Variants in SEMA3A observed in about 807,000 individuals in gnomAD.
SEMA3A encodes semaphorin 3A.
In SEMA3A, 29 loss-of-function variants were observed where a neutral mutation model predicts 97.9. That is an observed-to-expected ratio of 0.30 (90% CI 0.22 to 0.40). SEMA3A has a LOEUF of 0.40. SEMA3A is among the 10% of genes least tolerant of loss of function. SEMA3A has a pLI of 1.00. For missense variants in SEMA3A, 763 were observed against 951.3 expected (o/e 0.80, Z 2.60); for synonymous variants, 321 against 323.7 (o/e 0.99, Z 0.09).
intron 1 of SEMA3A, among the ~76,000 whole-genome samples, chr7:84,160,030 TATGATTG>T (rs1388987817): frequency 2.0e-5 from 3 of 152,148 alleles, no homozygotes; most frequent in Non-Finnish European, 4.4e-5. Context: ...ATCCTCAAAA[TATGATTG>T]ATTTTAAGCC....
chr7:84,055,033 G>T (rs1260506131), intron 5 of SEMA3A, among the ~76,000 whole-genome samples: 1 of 152,052 alleles, frequency 6.6e-6, no homozygotes, highest in African/African-American at 2.4e-5. Flanking sequence ...AGGGGTCAGG[G>T]ACCCACTTGA....
At chr7:84,055,769 C>T (rs1263830180) in intron 5 of SEMA3A, among the ~76,000 whole-genome samples, 1 of 152,034 alleles carries the variant, frequency 6.6e-6, no homozygotes, top group African/African-American at 2.4e-5. Context: ...GTTAATTTGA[C>T]AATTTTCAGA....
At chr7:84,256,085 T>A (rs1799714832) in intron 3 of SEMA3A, among the ~76,000 whole-genome samples, 2 of 152,076 alleles carry the variant, frequency 1.3e-5, no homozygotes, top group African/African-American at 4.8e-5. Flanking sequence ...TATGTTTGAT[T>A]GTGTGCATTT....
At chr7:84,112,465 T>C (rs992020176) in intron 3 of SEMA3A, among the ~76,000 whole-genome samples, 29 of 152,142 alleles carry the variant, frequency 1.9e-4, no homozygotes, top group African/African-American at 6.3e-4. Context: ...TTCAGTCCTG[T>C]CAGTATCACC....
chr7:84,224,311 A>T (rs1798942034), intron 3 of SEMA3A, among the ~76,000 whole-genome samples: 1 of 152,000 alleles, frequency 6.6e-6, no homozygotes, highest in Admixed American at 6.6e-5. Flanking sequence ...GCCTACAATT[A>T]AAGTTTTTTA....
At position 84,080,227 on chromosome 7, in the gene SEMA3A, A is replaced by C. The variant is rs1402338556; in HGVS notation, c.454-19669T>G. Among the ~76,000 whole-genome samples, 3 of 143,564 alleles carry C rather than the reference A, an allele frequency of 2.1e-5. No homozygotes were observed. The East Asian group carries it at 6.6e-4, about 32-fold the overall frequency. 94.2% of individuals were successfully genotyped at this position (143,564 alleles called of 152,430 possible). ...TGGGGTGGGGGGAGGGGGTAGGGATAGCATTAGGAGATATCCCTAATGCTG... is the reference window on the plus strand; with the variant it reads ...TGGGGTGGGGGGAGGGGGTAGGGATCGCATTAGGAGATATCCCTAATGCTG... On this transcript the variant is annotated intron_variant, in intron 4 of 16. Transcript: ENST00000265362.
At chr7:84,484,373 C>T (rs1806521548) in intron 1 of SEMA3A, among the ~76,000 whole-genome samples, 1 of 151,716 alleles carries the variant, frequency 6.6e-6, no homozygotes, top group Non-Finnish European at 1.5e-5. Context: ...CTTGTTGGTG[C>T]ATATAAAAAT....
At chr7:84,444,280 T>G (rs1805349719) in intron 1 of SEMA3A, among the ~76,000 whole-genome samples, 1 of 152,174 alleles carries the variant, frequency 6.6e-6, no homozygotes, top group Non-Finnish European at 1.5e-5. Flanking sequence ...TAATCCCACT[T>G]GTTCAAATTT....
chr7:84,062,529 T>G (rs955012535), intron 4 of SEMA3A, among the ~76,000 whole-genome samples: 2 of 151,984 alleles, frequency 1.3e-5, no homozygotes, highest in Admixed American at 6.5e-5. Context: ...CACTACGGAG[T>G]GCGAGACAGT....
intron 4 of SEMA3A, among the ~76,000 whole-genome samples, chr7:84,095,034 TACAC>T (rs201130876): frequency 5.4e-5 from 8 of 148,462 alleles, no homozygotes; most frequent in African/African-American, 1.5e-4. Flanking sequence ...CATACACACT[TACAC>T]ACACACACAC....
rs1260973529 is a variant in SEMA3A, at chr7:83,981,490, G to A, written c.1495-12C>T. 2 of 1,567,040 alleles carry A rather than the reference G, an allele frequency of 1.3e-6. No homozygotes were observed. Among genetic ancestry groups the A allele is most frequent in the Non-Finnish European group, 1.7e-6 (2 of 1,157,506 alleles). Reference sequence around the variant, plus strand: ...ATATATAGTTGTTGCTGTGGAAAGAGTTTACTGCTGTGACAAAAACTATCT... The same window carrying A: ...ATATATAGTTGTTGCTGTGGAAAGAATTTACTGCTGTGACAAAAACTATCT... On this transcript the variant is annotated splice_polypyrimidine_tract_variant and intron_variant, in intron 13 of 16. Coordinates refer to ENST00000265362, the MANE Select transcript of SEMA3A (RefSeq NM_006080.3).
At chr7:84,030,854 C>T (rs1791720704) in intron 6 of SEMA3A, among the ~76,000 whole-genome samples, 1 of 151,976 alleles carries the variant, frequency 6.6e-6, no homozygotes, top group Admixed American at 6.6e-5. Context: ...CTTGGAAAAG[C>T]ACATATTTCA....
At chr7:84,474,157 G>A (rs1806220596) in intron 1 of SEMA3A, among the ~76,000 whole-genome samples, 1 of 152,176 alleles carries the variant, frequency 6.6e-6, no homozygotes, top group South Asian at 2.1e-4. Flanking sequence ...TATATGATTA[G>A]AGAAAAGAGC....
chr7:84,367,740 A>G (rs938733026), intron 2 of SEMA3A, among the ~76,000 whole-genome samples: 3 of 151,154 alleles, frequency 2.0e-5, no homozygotes, highest in African/African-American at 7.3e-5. Flanking sequence ...AGACCTATAT[A>G]TATAGGTAGA....
In SEMA3A at chr7:84,326,273, T is replaced by C. The variant is rs548552899; in HGVS notation, c.-168-18981A>G. 2.4e-4 allele frequency among the ~76,000 whole-genome samples: 37 copies of C among 152,274 alleles called. No homozygotes were observed. The South Asian group carries it at 2.5e-3, about 10-fold the overall frequency. On this transcript the variant is annotated intron_variant, in intron 2 of 3. Transcript: ENST00000424555. ...TATGCAAGGGCATTCATAGTGATAA[T>C]CACTAAATAAGTATTTCTGATCAAA... is the stretch of plus-strand genomic sequence containing the variant.
chr7:84,198,022 G>C (rs1473674770), upstream of SEMA3A, among the ~76,000 whole-genome samples: 1 of 151,980 alleles, frequency 6.6e-6, no homozygotes, highest in African/African-American at 2.4e-5. Context: ...TTACAGGCGT[G>C]AGCCCCCGAG....
intron 1 of SEMA3A, among the ~76,000 whole-genome samples, chr7:84,162,876 G>C (rs1393437397): frequency 2.0e-5 from 3 of 152,160 alleles, no homozygotes; most frequent in Non-Finnish European, 2.9e-5. Context: ...AATAGTTCAT[G>C]CTAGCTGCAT....
At chr7:84,357,390 G>C (rs1802590958) in intron 2 of SEMA3A, among the ~76,000 whole-genome samples, 1 of 151,220 alleles carries the variant, frequency 6.6e-6, no homozygotes, top group African/African-American at 2.4e-5. Context: ...GCGGTGTTTG[G>C]TTTTCTGTCT....
In SEMA3A at chr7:83,958,077, C is replaced by G. The variant is rs570419447; in HGVS notation, c.*3294G>C. The G allele has an allele frequency of 6.6e-6, 1 of 152,072 alleles. No homozygotes were observed. The highest frequency in any genetic ancestry group is 2.1e-4 in the South Asian group (1 of 4,820). 9.4% of individuals were successfully genotyped at this position (152,072 alleles called of 1,614,324 possible). A position where few individuals can be genotyped will look rare whatever the true frequency, so the allele number is the denominator to read the frequency against. On this transcript the variant is annotated 3_prime_UTR_variant, in exon 17 of 17. Coordinates refer to ENST00000265362, the MANE Select transcript of SEMA3A (RefSeq NM_006080.3). Reference sequence around the variant, plus strand: ...CATCTTTGTGGATCCTGAATAAAACCAAACTGATTATGAAAATGACACATT... The same window carrying G: ...CATCTTTGTGGATCCTGAATAAAACGAAACTGATTATGAAAATGACACATT...
Sources: allele counts gnomAD v4.1 joint callset (sites outside exome capture counted in the v4.1 genomes callset), GRCh38; gene constraint gnomAD v4.1.1; transcripts MANE v1.5; gene names NCBI Gene and HGNC (gene_info 2026-07-23, HGNC 2026-07-21).